Variants in CD96 observed in about 807,000 individuals in gnomAD.
CD96 encodes CD96 molecule, also known as T-cell surface protein tactile.
CD96 carries 70 observed loss-of-function variants against 71.3 expected under a neutral mutation model. The observed-to-expected ratio is 0.98, with a 90% CI of 0.81 to 1.20. The LOEUF is 1.20. CD96 is among the 50% of genes most tolerant of loss of function. CD96 has a pLI of 0.00. For synonymous variants in CD96, 248 were observed against 233.0 expected, an observed-to-expected ratio of 1.06 and a Z score of -0.59; for missense variants, 742 against 677.5, an observed-to-expected ratio of 1.10 and a Z score of -1.06.
chr3:111,546,589 T>C (rs943125704), intron 2 of CD96, among the ~76,000 whole-genome samples: 3 of 152,082 alleles, frequency 2.0e-5, no homozygotes, highest in African/African-American at 7.2e-5. Context: ...TCATTTCTGC[T>C]AATGGAAAAC....
chr3:111,637,732 A>C (rs1448405215), intron 11 of CD96, among the ~76,000 whole-genome samples: 3 of 151,266 alleles, frequency 2.0e-5, no homozygotes, highest in African/African-American at 7.3e-5. Flanking sequence ...TTTCTGTACC[A>C]CTTACATTTC....
In CD96 at chr3:111,606,756, A is replaced by C. The variant is rs1576381725; in HGVS notation, c.1144A>C (p.Thr382Pro). The C allele has an allele frequency of 6.2e-7, 1 of 1,606,774 alleles. No individual in the cohort carries two copies. Among genetic ancestry groups the C allele is most frequent in the South Asian group, 1.1e-5 (1 of 90,940 alleles). ...GAGTGTTACAGAATCTACCCTTGACACCCAACCTTCTCCAGCCAGCAGTGT... is the reference window on the plus strand; with the variant it reads ...GAGTGTTACAGAATCTACCCTTGACCCCCAACCTTCTCCAGCCAGCAGTGT... ...PLSVTESTLDTQPSPASSVSP... is the reference protein window; with the variant it reads ...PLSVTESTLDPQPSPASSVSP... Residue 382 changes from threonine (T) to proline (P), a missense_variant, in exon 8 of 14, where the codon ACC becomes CCC. Coordinates refer to ENST00000352690, the MANE Select transcript of CD96 (RefSeq NM_005816.5).
intron 2 of CD96, among the ~76,000 whole-genome samples, chr3:111,546,273 G>A (rs556291979): frequency 2.0e-5 from 3 of 152,314 alleles, no homozygotes; most frequent in Middle Eastern, 3.4e-3. Context: ...GAATGGTGGT[G>A]CTATTCACTG....
chr3:111,562,584 C>T (rs1174389471), intron 2 of CD96, among the ~76,000 whole-genome samples: 2 of 152,116 alleles, frequency 1.3e-5, no homozygotes, highest in Non-Finnish European at 2.9e-5. Context: ...AAGAAGTTGC[C>T]CCTGCATTGG....
chr3:111,543,158 GTACTTT>G (rs1047927904), intron 1 of CD96, among the ~76,000 whole-genome samples: 9 of 152,284 alleles, frequency 5.9e-5, no homozygotes, highest in South Asian at 4.1e-4. Context: ...CATTTGTCAA[GTACTTT>G]TACTTTTAAG....
intron 12 of CD96, among the ~76,000 whole-genome samples, chr3:111,646,138 A>G (rs1297622047): frequency 6.6e-6 from 1 of 152,148 alleles, no homozygotes; most frequent in Non-Finnish European, 1.5e-5. Context: ...ATGTAATCGA[A>G]ATACCTAAAG....
chr3:111,594,466 C>T, intron 5 of CD96: 1 of 401,916 alleles, frequency 2.5e-6, no homozygotes. Flanking sequence ...CCTCCCTTGA[C>T]TAGGCCAGAA....
At chr3:111,644,153 C>G (rs1939720336) in intron 12 of CD96, among the ~76,000 whole-genome samples, 2 of 151,688 alleles carry the variant, frequency 1.3e-5, no homozygotes, top group South Asian at 2.1e-4. Flanking sequence ...ACCAATGGAA[C>G]AGAATAAGCC....
At chr3:111,581,925 A>G (rs563535405) in intron 4 of CD96, among the ~76,000 whole-genome samples, 1 of 152,196 alleles carries the variant, frequency 6.6e-6, no homozygotes, top group African/African-American at 2.4e-5. Flanking sequence ...AAAGTGAGTC[A>G]GGGAAGGGAA....
In CD96 at chr3:111,650,884, C is replaced by T. The variant is rs1198014227; in HGVS notation, c.*1078C>T. ...CTCCTTGTCGCTTGAAACCTTCCCA[C>T]ACTCCCTGCTCCAGGAGGGAAAAAC... is the stretch of plus-strand genomic sequence containing the variant. On this transcript the variant is annotated 3_prime_UTR_variant, in exon 14 of 14. Transcript: ENST00000352690. 2 of 152,218 alleles carry T rather than the reference C, an allele frequency of 1.3e-5. No homozygotes were observed. The highest frequency in any genetic ancestry group is 2.9e-5 in the Non-Finnish European group (2 of 68,044). The allele number at this position is 152,218 out of a possible 1,614,324, so 9.4% of individuals were successfully genotyped here. A position where few individuals can be genotyped will look rare whatever the true frequency, so the allele number is the denominator to read the frequency against.
chr3:111,608,451 T>A (rs909650984), intron 8 of CD96, among the ~76,000 whole-genome samples: 2 of 152,258 alleles, frequency 1.3e-5, no homozygotes, highest in African/African-American at 4.8e-5. Flanking sequence ...CCATACCCTG[T>A]CATTTAGAAG....
intron 2 of CD96, among the ~76,000 whole-genome samples, chr3:111,554,107 T>C (rs1016823434): frequency 2.2e-4 from 33 of 152,218 alleles, no homozygotes; most frequent in Non-Finnish European, 4.4e-4. Context: ...TTTATGAGCA[T>C]TTAAATTTGT....
chr3:111,646,512 A>G (rs1249914126), intron 12 of CD96, among the ~76,000 whole-genome samples: 1 of 151,868 alleles, frequency 6.6e-6, no homozygotes, highest in Non-Finnish European at 1.5e-5. Flanking sequence ...ACCATCTCAC[A>G]TAAGTTAGAA....
chr3:111,595,037 A>G (rs1559744697), intron 5 of CD96: 1 of 167,056 alleles, frequency 6.0e-6, no homozygotes, highest in Non-Finnish European at 1.5e-5. Flanking sequence ...CAAGCAGCTC[A>G]CCATACTCCA....
chr3:111,603,015 TTC>T (rs1937531047), intron 7 of CD96, among the ~76,000 whole-genome samples: 2 of 152,258 alleles, frequency 1.3e-5, no homozygotes, highest in Admixed American at 1.3e-4. Flanking sequence ...GTGATCCCTA[TTC>T]TAGAAAACTC....
intron 10 of CD96, among the ~76,000 whole-genome samples, chr3:111,636,935 T>G (rs1437591638): frequency 6.6e-6 from 1 of 152,146 alleles, no homozygotes; most frequent in Non-Finnish European, 1.5e-5. Flanking sequence ...GAACCCCTTC[T>G]AGTGTTTTCT....
At chr3:111,568,726 C>A (rs568570348) in intron 3 of CD96, among the ~76,000 whole-genome samples, 1 of 152,118 alleles carries the variant, frequency 6.6e-6, no homozygotes, top group African/African-American at 2.4e-5. Context: ...AGCTTTTTCT[C>A]ATAACACGTA....
chr3:111,569,376 T>A (rs1296030251), intron 3 of CD96, among the ~76,000 whole-genome samples: 1 of 152,228 alleles, frequency 6.6e-6, no homozygotes, highest in Non-Finnish European at 1.5e-5. Flanking sequence ...TAGGATTTGC[T>A]TTCCAAAAAG....
chr3:111,576,834 G>T lies in CD96; in HGVS notation c.544-2193G>T, dbSNP rs117071336. Among the ~76,000 whole-genome samples, 18 of 152,190 alleles carry T rather than the reference G, an allele frequency of 1.2e-4. No homozygotes were observed. The East Asian group carries it at 2.9e-3, about 25-fold the overall frequency. ...TCCCTCTCCCAGTCCTAGGCATTTC[G>T]TTGTTTGCCTGTGCTAATTTTTTCA... On this transcript the variant is annotated intron_variant, in intron 3 of 13. Transcript: ENST00000352690.
Sources: gnomAD v4.1 joint callset for allele counts (sites outside exome capture counted in the v4.1 genomes callset) on GRCh38, gnomAD v4.1.1 for gene constraint, MANE v1.5 for transcripts, NCBI Gene and HGNC (gene_info 2026-07-23, HGNC 2026-07-21) for gene names.